Variants in TMEM132D observed in about 807,000 individuals in gnomAD.
TMEM132D encodes mature OL transmembrane protein.
In TMEM132D, 21 loss-of-function variants were observed where a neutral mutation model predicts 62.3. The ratio of observed to expected loss-of-function variants is 0.34; its 90% CI spans 0.24 to 0.49. The LOEUF is 0.49. Among genes scored for constraint, TMEM132D ranks in the 20% least tolerant of loss-of-function variants. The pLI is 0.99. For missense variants in TMEM132D, 1,346 were observed against 1,402.8 expected (o/e 0.96, Z 0.65); for synonymous variants, 621 against 575.6 (o/e 1.08, Z -1.13).
At chr12:129,244,470 C>T (rs143140791) in intron 4 of TMEM132D, among the ~76,000 whole-genome samples, 19 of 145,934 alleles carry the variant, frequency 1.3e-4, no homozygotes, top group Admixed American at 1.2e-3. Context: ...CTTGCTCCTA[C>T]GGTGCATAGA....
At chr12:129,698,870 T>C (rs955293388) in intron 2 of TMEM132D, among the ~76,000 whole-genome samples, 24 of 151,894 alleles carry the variant, frequency 1.6e-4, no homozygotes, top group South Asian at 6.3e-4. Context: ...TGAAGGGGGA[T>C]AGAGAGCTGG....
intron 2 of TMEM132D, among the ~76,000 whole-genome samples, chr12:129,607,071 CTTT>C (rs34733158): frequency 7.0e-6 from 1 of 143,024 alleles, no homozygotes; most frequent in Admixed American, 6.9e-5. Context: ...TTCTTTCTTT[CTTT>C]TTTTTTTTTG....
chr12:129,785,231 T>C (rs1871220191), intron 1 of TMEM132D, among the ~76,000 whole-genome samples: 1 of 152,048 alleles, frequency 6.6e-6, no homozygotes, highest in Non-Finnish European at 1.5e-5. Flanking sequence ...TTCAGGGAGC[T>C]CCCAGCCAGG....
intron 3 of TMEM132D, among the ~76,000 whole-genome samples, chr12:129,452,721 G>GGA (rs55910089): frequency 0.36 from 54,812 of 151,552 alleles, 10,294 homozygotes; most frequent in South Asian, 0.45. Context: ...AGAAAGGAGG[G>GGA]GAGAGAGAGA....
At position 129,375,432 on chromosome 12, in the gene TMEM132D, G is replaced by T. The variant is rs549364059; in HGVS notation, c.1116-37615C>A. 3.0e-4 allele frequency among the ~76,000 whole-genome samples: 46 copies of T among 152,302 alleles called. No individual in the cohort carries two copies. In the South Asian group the frequency reaches 8.7e-3, roughly 29 times the overall value. On this transcript the variant is annotated intron_variant, in intron 3 of 8. Transcript: ENST00000422113. ...TCATAAGGTGATACTGATGCTTGGA[G>T]TCCCACCCTGAATAGAGTTTGACTT...
At chr12:129,340,542 G>C (rs1593343523) in intron 3 of TMEM132D, among the ~76,000 whole-genome samples, 1 of 151,220 alleles carries the variant, frequency 6.6e-6, no homozygotes, top group Non-Finnish European at 1.5e-5. Flanking sequence ...CCACCTATGA[G>C]TGAGAACATG....
Position 129,867,636 on chromosome 12 carries a change from G to A in TMEM132D, c.79+35625C>T, listed in dbSNP as rs764978724. Among the ~76,000 whole-genome samples, 19 of 152,160 alleles carry A rather than the reference G, an allele frequency of 1.2e-4. No individual in the cohort carries two copies. The highest frequency in any genetic ancestry group is 2.1e-4 in the Non-Finnish European group (14 of 68,028). ...AAGAGAAAGTAAAACAAAGAAAACC[G>A]TCACTGTAGAAAGGGATAATGTGAA... On this transcript the variant is annotated intron_variant, in intron 1 of 8. Transcript: ENST00000422113. The surrounding 1 kb of genome is among the most constrained non-coding windows in gnomAD (Gnocchi z 4.5).
intron 4 of TMEM132D, among the ~76,000 whole-genome samples, chr12:129,257,204 C>CTTTCTT (rs1880427869): frequency 5.7e-5 from 7 of 122,626 alleles, no homozygotes; most frequent in African/African-American, 2.2e-4. Context: ...CTGTTTCTTT[C>CTTTCTT]TTTTTTTTTT....
intron 3 of TMEM132D, among the ~76,000 whole-genome samples, chr12:129,373,694 G>A (rs915029772): frequency 2.6e-5 from 4 of 152,062 alleles, no homozygotes; most frequent in African/African-American, 9.7e-5. Context: ...AAAGCGGCAG[G>A]AAGCATGTTT....
At chr12:129,596,218 T>C (rs1000169464) in intron 2 of TMEM132D, among the ~76,000 whole-genome samples, 1 of 152,166 alleles carries the variant, frequency 6.6e-6, no homozygotes, top group Non-Finnish European at 1.5e-5. Context: ...AAGTAGCTGA[T>C]CTATAGCTCT....
At chr12:129,330,560 A>G (rs577530003) in intron 4 of TMEM132D, among the ~76,000 whole-genome samples, 1 of 152,320 alleles carries the variant, frequency 6.6e-6, no homozygotes, top group African/African-American at 2.4e-5. Context: ...GGATGAATGG[A>G]TGAATGGGTT....
At position 129,356,147 on chromosome 12, in the gene TMEM132D, A is replaced by ATTTTTT. The variant is rs35842499; in HGVS notation, c.1116-18336_1116-18331dup. Among the ~76,000 whole-genome samples, 11 of 36,546 alleles carry ATTTTTT rather than the reference A, an allele frequency of 3.0e-4. 2 individuals carry two copies. Among genetic ancestry groups the ATTTTTT allele is most frequent in the African/African-American group, 7.4e-4 (6 of 8,072 alleles). 24.0% of individuals were successfully genotyped at this position (36,546 alleles called of 152,430 possible). The stretch of plus-strand genomic sequence containing the variant: ...GTCTGCTTCTAGAGAAACTGAAGGG[A>ATTTTTT]TTTTTTTTTTTTTTTTTTTTTTTTT... On this transcript the variant is annotated intron_variant, in intron 3 of 8. Coordinates refer to ENST00000422113, the MANE Select transcript of TMEM132D (RefSeq NM_133448.3).
chr12:129,340,010 T>C lies in TMEM132D; in HGVS notation c.1116-2193A>G, dbSNP rs76979520. 3.3e-3 allele frequency among the ~76,000 whole-genome samples: 499 copies of C among 152,272 alleles called. 5 individuals carry two copies. The highest frequency in any genetic ancestry group is 0.011 in the African/African-American group (461 of 41,554). On this transcript the variant is annotated intron_variant, in intron 3 of 8. Coordinates refer to ENST00000422113, the MANE Select transcript of TMEM132D (RefSeq NM_133448.3). ...CTCCCACCCCACAGCCCCATACTTC[T>C]GTTTTTAGAGTTTGTTTTATCAGGA... is the stretch of plus-strand genomic sequence containing the variant.
rs79064904 is a variant in TMEM132D, at chr12:129,680,849, C to A, written c.968+18961G>T. 6.9e-3 allele frequency among the ~76,000 whole-genome samples: 1,048 copies of A among 152,216 alleles called. 9 individuals carry two copies. Among genetic ancestry groups the A allele is most frequent in the Non-Finnish European group, 0.012 (839 of 67,996 alleles). Reference sequence around the variant, plus strand: ...TAAAAGAGGCCAAGAGTAAGGTCTTCATGTAGGAACTGGAAAATTGGAGGC... The same window carrying A: ...TAAAAGAGGCCAAGAGTAAGGTCTTAATGTAGGAACTGGAAAATTGGAGGC... On this transcript the variant is annotated intron_variant, in intron 2 of 8. Transcript: ENST00000422113.
intron 3 of TMEM132D, among the ~76,000 whole-genome samples, chr12:129,455,236 T>C (rs1435146222): frequency 1.3e-5 from 2 of 152,054 alleles, no homozygotes; most frequent in Admixed American, 6.6e-5. Flanking sequence ...TGCCTTAAAG[T>C]AGTAGGAATG....
chr12:129,560,127 G>A (rs1223282678), intron 2 of TMEM132D, among the ~76,000 whole-genome samples: 1 of 152,164 alleles, frequency 6.6e-6, no homozygotes, highest in Non-Finnish European at 1.5e-5. Flanking sequence ...TTCTAGGAGT[G>A]GGCTCAACTC....
intron 5 of TMEM132D, among the ~76,000 whole-genome samples, chr12:129,136,795 C>T (rs200576050): frequency 2.0e-5 from 3 of 148,756 alleles, no homozygotes; most frequent in African/African-American, 5.0e-5. Flanking sequence ...ATCACCATCA[C>T]CATCATCACC....
intron 1 of TMEM132D, among the ~76,000 whole-genome samples, chr12:129,844,165 T>C (rs1413302136): frequency 6.6e-6 from 1 of 152,214 alleles, no homozygotes; most frequent in Non-Finnish European, 1.5e-5. Context: ...ATTGGGTCAA[T>C]GCTAGCCCGC....
intron 1 of TMEM132D, among the ~76,000 whole-genome samples, chr12:129,887,949 AT>A (rs950887246): frequency 9.2e-5 from 14 of 151,600 alleles, no homozygotes; most frequent in African/African-American, 1.5e-4. Context: ...GTAAGCTGGG[AT>A]TTTTTTTTAA....
Sources: gnomAD v4.1 joint callset for allele counts (sites outside exome capture counted in the v4.1 genomes callset) on GRCh38, gnomAD v4.1.1 for gene constraint, Gnocchi (gnomAD v3.1) non-coding constraint, MANE v1.5 for transcripts, NCBI Gene and HGNC (gene_info 2026-07-23, HGNC 2026-07-21) for gene names.